Variants in BLM observed in about 807,000 individuals in gnomAD.
BLM encodes the protein BLM RecQ like helicase, also known as recQ-like DNA helicase BLM.
BLM carries 95 observed loss-of-function variants against 135.3 expected under a neutral mutation model. That is an observed-to-expected ratio of 0.70 (90% CI 0.59 to 0.83). The LOEUF (loss-of-function observed/expected upper bound fraction) is 0.83, where lower values mean the gene tolerates loss of function less well. Ranked by LOEUF, BLM falls within the 40% of genes least tolerant of loss-of-function variation. The pLI, the probability that BLM is intolerant of heterozygous loss-of-function variation, is 0.00. For missense variants in BLM, 1,518 were observed against 1,663.9 expected (o/e 0.91, Z 1.53); for synonymous variants, 520 against 589.2 (o/e 0.88, Z 1.70).
Position 90,804,369 on chromosome 15 carries a change from C to T in BLM, c.3751+10C>T, listed in dbSNP as rs199685140. The T allele has an allele frequency of 6.9e-5, 111 of 1,608,906 alleles. 1 individual carries two copies. The highest frequency in any genetic ancestry group is 3.5e-4 in the Admixed American group (21 of 60,002). ...CTCAAGAAGCTTGCAGGTGGGTACA[C>T]ATGTATCCTTTGTTACGTGGCACAG... On this transcript the variant is annotated intron_variant, in intron 19 of 21. Transcript: ENST00000355112.
At chr15:90,731,847 C>T (rs1277616116) in intron 1 of BLM, among the ~76,000 whole-genome samples, 3 of 151,408 alleles carry the variant, frequency 2.0e-5, no homozygotes, top group South Asian at 2.1e-4. Context: ...ATTTTGAGAC[C>T]GGTTTATGAA....
chr15:90,719,131 A>G (rs923472483), intron 1 of BLM, among the ~76,000 whole-genome samples: 5 of 152,050 alleles, frequency 3.3e-5, no homozygotes, highest in Admixed American at 1.3e-4. Context: ...AGCTGGGACT[A>G]CAGGCACCCA....
At chr15:90,799,626 TAAAAAAAAAAA>T (rs10600094) in intron 17 of BLM, among the ~76,000 whole-genome samples, 8 of 108,720 alleles carry the variant, frequency 7.4e-5, no homozygotes, top group Admixed American at 1.0e-4. Context: ...AAGATGCCTG[TAAAAAAAAAAA>T]AAAAAAAAAA....
Position 90,789,987 on chromosome 15 carries a change from G to GTTTTTTTTTT in BLM, c.2824-635_2824-626dup, listed in dbSNP as rs61059865. On this transcript the variant is annotated intron_variant, in intron 14 of 21. Coordinates refer to ENST00000355112, the MANE Select transcript of BLM (RefSeq NM_000057.4). ...AGGTCTAAGATCCGCAGTCCCTGGTGTTTTTTTTTTTTTTTTTTTTTTTTT... is the reference window on the plus strand; with the variant it reads ...AGGTCTAAGATCCGCAGTCCCTGGTGTTTTTTTTTTTTTTTTTTTTTTTTTTTTTTTTTTT... Among the ~76,000 whole-genome samples, 14 of 57,372 alleles carry GTTTTTTTTTT rather than the reference G, an allele frequency of 2.4e-4. 1 individual carries two copies. Among genetic ancestry groups the GTTTTTTTTTT allele is most frequent in the African/African-American group, 6.3e-4 (12 of 18,942 alleles). The allele number at this position is 57,372 out of a possible 152,430, so 37.6% of individuals were successfully genotyped here. A position where few individuals can be genotyped will look rare whatever the true frequency, so the allele number is the denominator to read the frequency against.
chr15:90,783,306 T>G (rs2380162), intron 13 of BLM, among the ~76,000 whole-genome samples: 3,296 of 152,320 alleles, frequency 0.022, 111 homozygotes, highest in African/African-American at 0.075. Flanking sequence ...TTCATAGTAG[T>G]TTTCCATGTA....
At chr15:90,743,147 C>T (rs1596211944) in intron 1 of BLM, among the ~76,000 whole-genome samples, 1 of 151,522 alleles carries the variant, frequency 6.6e-6, no homozygotes, top group African/African-American at 2.4e-5. Flanking sequence ...TAGGTGTGTG[C>T]CACCATGCCT....
At chr15:90,809,436 C>T (rs550196937) in intron 20 of BLM, among the ~76,000 whole-genome samples, 177 bp downstream of exon 20, 1 of 152,324 alleles carries the variant, frequency 6.6e-6, no homozygotes, top group South Asian at 2.1e-4. Flanking sequence ...CTTATGCCCC[C>T]TGTGAGTGCC....
intron 19 of BLM, among the ~76,000 whole-genome samples, chr15:90,806,223 G>A (rs1295558119): frequency 6.6e-6 from 1 of 151,938 alleles, no homozygotes; most frequent in Non-Finnish European, 1.5e-5. Context: ...TTGTAATATT[G>A]TAATGGGCTG....
intron 12 of BLM, among the ~76,000 whole-genome samples, chr15:90,770,814 A>G (rs555551337): frequency 6.6e-6 from 1 of 152,372 alleles, no homozygotes; most frequent in Admixed American, 6.5e-5. Context: ...GAGGGTTATG[A>G]GAAGAACTGA....
At position 90,761,092 on chromosome 15, in the gene BLM, T is replaced by A. The variant is rs1895973169; in HGVS notation, c.1719T>A (p.Asn573Lys). The change falls in exon 7 of 22, where the codon AAT (asparagine) becomes AAA (lysine). Residue 573 changes from asparagine to lysine, a missense_variant. Coordinates refer to ENST00000355112, the MANE Select transcript of BLM (RefSeq NM_000057.4). ...ATGACTGGGAAGACATAATGCATAA[T>A]TTAGCAGCCAGCAAATCTTCCACAG... ...DDDDWEDIMH[N>K]LAASKSSTAA... 6.4e-7 allele frequency: 1 copy of A among 1,553,268 alleles called. No homozygotes were observed. The highest frequency in any genetic ancestry group is 2.2e-5 in the East Asian group (1 of 44,458).
At chr15:90,749,213 C>A (rs374664233) in intron 2 of BLM, among the ~76,000 whole-genome samples, 154 bp from the exon 3 acceptor site, 35 of 152,288 alleles carry the variant, frequency 2.3e-4, no homozygotes, top group Middle Eastern at 3.4e-3. Flanking sequence ...ATTTAAGTTA[C>A]CTGATAAATT....
Position 90,815,064 on chromosome 15 carries a change from C to T in BLM, c.4077-38C>T, listed in dbSNP as rs747753191. 12 of 1,607,994 alleles carry T rather than the reference C, an allele frequency of 7.5e-6. No homozygotes were observed. The highest frequency in any genetic ancestry group is 1.0e-5 in the Non-Finnish European group (12 of 1,177,260). ...GAGGAAGGTCATTCATTTTTGGTTTCATTTAACATTTTGATTTTTTTCTTT... is the reference window on the plus strand; with the variant it reads ...GAGGAAGGTCATTCATTTTTGGTTTTATTTAACATTTTGATTTTTTTCTTT... On this transcript the variant is annotated intron_variant, in intron 21 of 21. Transcript: ENST00000355112. This position sits in a 1 kb window ranked among gnomAD's most constrained non-coding sequence, Gnocchi z 4.6.
At position 90,805,131 on chromosome 15, in the gene BLM, C is replaced by T. The variant is rs28385144; in HGVS notation, c.3751+772C>T. ...GATTATAGGCGTGAGCCACCATGCG[C>T]GGCCGAAACTTATTCTTTTTTTTTT... On this transcript the variant is annotated intron_variant, in intron 19 of 21. Coordinates refer to ENST00000355112, the MANE Select transcript of BLM (RefSeq NM_000057.4). Among the ~76,000 whole-genome samples, 57 of 130,674 alleles carry T rather than the reference C, an allele frequency of 4.4e-4. 1 individual carries two copies. In the East Asian group the frequency reaches 1.0e-2, roughly 23 times the overall value. The allele number at this position is 130,674 out of a possible 152,430, so 85.7% of individuals were successfully genotyped here.
At chr15:90,754,624 G>C (rs941832195) in intron 4 of BLM, among the ~76,000 whole-genome samples, 187 bp from the exon 5 acceptor site, 1 of 152,104 alleles carries the variant, frequency 6.6e-6, no homozygotes, top group Admixed American at 6.6e-5. Flanking sequence ...TGTTGAAAAG[G>C]GCTCTTTCTG....
In BLM at chr15:90,760,495, C is replaced by T; in HGVS notation, c.1221-99C>T. 3 of 1,350,784 alleles carry T rather than the reference C, an allele frequency of 2.2e-6. No homozygotes were observed. The Admixed American group carries it at 6.1e-5, about 27-fold the overall frequency. The allele number at this position is 1,350,784 out of a possible 1,614,324, so 83.7% of individuals were successfully genotyped here. ...TTGGGAAAAAAGCGAATATATTTTGCTACAATTTCTATTTGGTATGAAAAC... is the reference window on the plus strand; with the variant it reads ...TTGGGAAAAAAGCGAATATATTTTGTTACAATTTCTATTTGGTATGAAAAC... On this transcript the variant is annotated intron_variant, in intron 6 of 21. Coordinates refer to ENST00000355112, the MANE Select transcript of BLM (RefSeq NM_000057.4).
intron 14 of BLM, chr15:90,790,289 T>C: frequency 3.0e-6 from 1 of 338,050 alleles, no homozygotes; most frequent in East Asian, 7.9e-5. Flanking sequence ...CTGGATATCA[T>C]GACTGTGTGA....
At chr15:90,739,732 C>T (rs939269525) in intron 1 of BLM, among the ~76,000 whole-genome samples, 3 of 152,086 alleles carry the variant, frequency 2.0e-5, no homozygotes, top group African/African-American at 4.8e-5. Context: ...TTTCTTGTGG[C>T]ATTTTAAATA....
chr15:90,732,974 T>A (rs2151133783), intron 1 of BLM, among the ~76,000 whole-genome samples: 1 of 152,184 alleles, frequency 6.6e-6, no homozygotes, highest in South Asian at 2.1e-4. Flanking sequence ...GCACCTGTAA[T>A]CCCAGCTACT....
chr15:90,776,989 T>C (rs975728928), intron 12 of BLM, among the ~76,000 whole-genome samples: 10 of 151,976 alleles, frequency 6.6e-5, no homozygotes, highest in African/African-American at 2.2e-4. Flanking sequence ...GTGGGTTTTG[T>C]TTTGTTTTGT....
Sources: gnomAD v4.1 joint callset for allele counts (sites outside exome capture counted in the v4.1 genomes callset) on GRCh38, gnomAD v4.1.1 for gene constraint, Gnocchi (gnomAD v3.1) non-coding constraint, MANE v1.5 for transcripts, NCBI Gene and HGNC (gene_info 2026-07-23, HGNC 2026-07-21) for gene names.